TDRP: variants seen among roughly 807,000 people sequenced by gnomAD.
TDRP encodes the protein testis development-related protein.
A neutral mutation model predicts 10.5 loss-of-function variants in TDRP; 12 were observed. The ratio of observed to expected loss-of-function variants is 1.15; its 90% CI spans 0.73 to 1.86. The LOEUF is 1.86. Among genes scored for constraint, TDRP ranks in the 40% most tolerant of loss-of-function variants. The probability of loss-of-function intolerance (pLI) is 0.00; values close to 1 mark genes in which losing one functional copy is unlikely to be tolerated. For synonymous variants in TDRP, 139 were observed against 95.4 expected (o/e 1.46, Z -2.67); for missense variants, 353 against 229.2 (o/e 1.54, Z -3.49).
At chr8:537,858 T>A (rs140228616) in intron 1 of TDRP, among the ~76,000 whole-genome samples, 89 of 152,272 alleles carry the variant, frequency 5.8e-4, no homozygotes, top group Middle Eastern at 3.4e-3. Flanking sequence ...ATACAATGGG[T>A]TTTACCTACT....
intron 1 of TDRP, among the ~76,000 whole-genome samples, chr8:499,152 T>G (rs1801217790): frequency 6.6e-6 from 1 of 152,202 alleles, no homozygotes; most frequent in Non-Finnish European, 1.5e-5. Flanking sequence ...AATTATTACC[T>G]AGTGTTTCCA....
intron 1 of TDRP, among the ~76,000 whole-genome samples, chr8:534,499 A>G (rs1465837686): frequency 6.6e-6 from 1 of 152,160 alleles, no homozygotes; most frequent in Non-Finnish European, 1.5e-5. Context: ...GCCATCTCTA[A>G]CACAGGTGCT....
intron 1 of TDRP, among the ~76,000 whole-genome samples, chr8:539,369 G>A (rs1463535436): frequency 6.6e-6 from 1 of 152,150 alleles, no homozygotes; most frequent in Non-Finnish European, 1.5e-5. Flanking sequence ...GAAGCACCCT[G>A]ATTTAAAACT....
intron 1 of TDRP, among the ~76,000 whole-genome samples, chr8:513,950 T>C (rs973975390): frequency 6.6e-6 from 1 of 152,166 alleles, no homozygotes; most frequent in Non-Finnish European, 1.5e-5. Flanking sequence ...GTTTAAATGA[T>C]CTGAATAACT....
At chr8:525,165 C>G (rs1301642501) in intron 1 of TDRP, among the ~76,000 whole-genome samples, 1 of 152,060 alleles carries the variant, frequency 6.6e-6, no homozygotes, top group Non-Finnish European at 1.5e-5. Context: ...AGCGGCATGA[C>G]ATAATTAAAG....
At position 492,062 on chromosome 8, in the gene TDRP, C is replaced by T; in HGVS notation, c.*337G>A. 8.7e-7 allele frequency: 1 copy of T among 1,146,842 alleles called. No individual in the cohort carries two copies. Among genetic ancestry groups the T allele is most frequent in the Non-Finnish European group, 1.1e-6 (1 of 934,812 alleles). 71.0% of individuals were successfully genotyped at this position (1,146,842 alleles called of 1,614,324 possible). A position where few individuals can be genotyped will look rare whatever the true frequency, so the allele number is the denominator to read the frequency against. ...CGGAAGTTCTGAAACAGAACTACAA[C>T]ACAGAGCAGCATGAAAATCATTTTG... is the stretch of plus-strand genomic sequence containing the variant. On this transcript the variant is annotated 3_prime_UTR_variant, in exon 3 of 3. Transcript: ENST00000324079.
At chr8:493,615 G>A (rs1291517231) in intron 2 of TDRP, among the ~76,000 whole-genome samples, 2 of 152,188 alleles carry the variant, frequency 1.3e-5, no homozygotes, top group African/African-American at 4.8e-5. Context: ...AATATCATTG[G>A]GTAGTCACTG....
intron 1 of TDRP, among the ~76,000 whole-genome samples, chr8:519,863 G>A (rs1314012092): frequency 6.6e-6 from 1 of 152,190 alleles, no homozygotes; most frequent in East Asian, 1.9e-4. Context: ...GAAGGGGCTG[G>A]CGCCACTGTG....
At chr8:528,372 T>C (rs956913182) in intron 1 of TDRP, among the ~76,000 whole-genome samples, 1 of 152,022 alleles carries the variant, frequency 6.6e-6, no homozygotes, top group Non-Finnish European at 1.5e-5. Flanking sequence ...ACACTAAAAA[T>C]AGAACTACCA....
At chr8:500,823 C>T (rs566019443) in intron 1 of TDRP, among the ~76,000 whole-genome samples, 2 of 152,276 alleles carry the variant, frequency 1.3e-5, no homozygotes, top group Non-Finnish European at 2.9e-5. Context: ...TGAACAGTGA[C>T]ACCTAAGACC....
intron 1 of TDRP, among the ~76,000 whole-genome samples, chr8:498,323 A>C (rs1217019819): frequency 5.3e-5 from 8 of 152,216 alleles, no homozygotes; most frequent in Non-Finnish European, 8.8e-5. Context: ...CACCCCTTGC[A>C]TCAGCATGCC....
Position 490,866 on chromosome 8 carries a change from ACTT to A in TDRP, c.*1530_*1532del, listed in dbSNP as rs1397244735. The A allele has an allele frequency of 1.3e-5, 2 of 152,142 alleles. No individual in the cohort carries two copies. The highest frequency in any genetic ancestry group is 2.1e-4 in the South Asian group (1 of 4,822). 9.4% of individuals were successfully genotyped at this position (152,142 alleles called of 1,614,324 possible). On this transcript the variant is annotated 3_prime_UTR_variant, in exon 3 of 3. Transcript: ENST00000324079. ...CCCCCTTTCAAGACTTGATAAGTAA[ACTT>A]CTTGTTCTATTAAAAAAAAAAGTAG...
At chr8:522,939 T>G (rs1801944920) in intron 1 of TDRP, among the ~76,000 whole-genome samples, 1 of 152,204 alleles carries the variant, frequency 6.6e-6, no homozygotes, top group South Asian at 2.1e-4. Flanking sequence ...ATCTTGTAGG[T>G]GGCATGTGAT....
intron 2 of TDRP, 31 bp from the exon 3 acceptor site, chr8:492,775 G>A (rs1477175898): frequency 6.6e-7 from 1 of 1,522,276 alleles, no homozygotes; most frequent in South Asian, 1.3e-5. Flanking sequence ...AGGTGTTGGT[G>A]ACCCAGGTCT....
chr8:526,715 A>G (rs182190136), intron 1 of TDRP, among the ~76,000 whole-genome samples: 1 of 152,170 alleles, frequency 6.6e-6, no homozygotes, highest in Non-Finnish European at 1.5e-5. Context: ...AGCCTTGTAG[A>G]ATAGCTTTGG....
intron 1 of TDRP, among the ~76,000 whole-genome samples, chr8:531,054 C>G (rs1470533060): frequency 6.6e-6 from 1 of 152,162 alleles, no homozygotes; most frequent in African/African-American, 2.4e-5. Context: ...AGGTGACCCC[C>G]CAAAATTCAG....
intron 1 of TDRP, among the ~76,000 whole-genome samples, chr8:509,955 G>A (rs1189037739): frequency 1.3e-5 from 2 of 152,164 alleles, no homozygotes; most frequent in African/African-American, 2.4e-5. Context: ...GAGAAGTGGA[G>A]GTTGCAGTGA....
intron 1 of TDRP, among the ~76,000 whole-genome samples, chr8:539,923 T>G (rs1384814426): frequency 6.6e-6 from 1 of 152,252 alleles, no homozygotes; most frequent in Non-Finnish European, 1.5e-5. Flanking sequence ...TGATGTCTTT[T>G]TTCTTTGCAA....
At chr8:537,907 A>T (rs1400592389) in intron 1 of TDRP, among the ~76,000 whole-genome samples, 1 of 152,156 alleles carries the variant, frequency 6.6e-6, no homozygotes, top group Non-Finnish European at 1.5e-5. Flanking sequence ...CATCTTCACA[A>T]TCTGTGCCTA....
Sources: allele counts gnomAD v4.1 joint callset (sites outside exome capture counted in the v4.1 genomes callset), GRCh38; gene constraint gnomAD v4.1.1; transcripts MANE v1.5; gene names NCBI Gene and HGNC (gene_info 2026-07-23, HGNC 2026-07-21).